Variants in OR51M1 observed in about 807,000 individuals in gnomAD.
OR51M1 encodes the protein olfactory receptor family 51 subfamily M member 1, also known as olfactory receptor 51M1.
For missense variants in OR51M1, 509 were observed against 404.4 expected (o/e 1.26, Z -2.22); for synonymous variants, 199 against 155.1 (o/e 1.28, Z -2.10).
chr11:5,387,504 C>T (rs1849715084), intron 2 of OR51M1, among the ~76,000 whole-genome samples: 1 of 152,172 alleles, frequency 6.6e-6, no homozygotes, highest in Non-Finnish European at 1.5e-5. Context: ...ATCCATGCAG[C>T]ACCTCTGCTC....
intron 2 of OR51M1, among the ~76,000 whole-genome samples, chr11:5,387,257 G>A (rs966331244): frequency 6.6e-5 from 10 of 152,062 alleles, no homozygotes; most frequent in Non-Finnish European, 1.0e-4. Context: ...AGGAAGGCAT[G>A]GCCAGAGCAC....
intron 2 of OR51M1, among the ~76,000 whole-genome samples, chr11:5,386,940 C>G (rs10742659): frequency 0.77 from 116,793 of 151,860 alleles, 45,416 homozygotes; most frequent in Middle Eastern, 0.83. Flanking sequence ...GGATGCTGGG[C>G]TCAATATTAG....
intron 1 of OR51M1, among the ~76,000 whole-genome samples, chr11:5,384,399 CTCTT>C (rs1426104350): frequency 1.2e-3 from 184 of 152,302 alleles, no homozygotes; most frequent in African/African-American, 4.2e-3. Context: ...CTCACAGAAT[CTCTT>C]CTGATATTCT....
rs1849818220 is a variant in OR51M1, at chr11:5,392,923, A to G, written c.*2544A>G. On this transcript the variant is annotated 3_prime_UTR_variant, in exon 3 of 3. Transcript: ENST00000642046. ...CAAGACTCCTTCTCAAAAACAAAAA[A>G]AAAGAAAAATAAATAAATATCTGTG... is the stretch of plus-strand genomic sequence containing the variant. The G allele has an allele frequency of 1.8e-5, 1 of 55,464 alleles. No homozygotes were observed. The allele number at this position is 55,464 out of a possible 1,614,324, so 3.4% of individuals were successfully genotyped here. A position where few individuals can be genotyped will look rare whatever the true frequency, so the allele number is the denominator to read the frequency against.
At chr11:5,387,329 G>A (rs1383050431) in intron 2 of OR51M1, among the ~76,000 whole-genome samples, 18 of 152,004 alleles carry the variant, frequency 1.2e-4, no homozygotes, top group Non-Finnish European at 1.5e-5. Context: ...ATTGCATTTG[G>A]CCCCTAGAAG....
In OR51M1 at chr11:5,389,818, C is replaced by G. The variant is rs375607959; in HGVS notation, c.420C>G (p.His140Gln). ...TTGACCGCCTTGTGGCCATCTGCCA[C>G]CCTCTGAGGTATTCGGTCATTATCA... ...MSFDRLVAIC[H>Q]PLRYSVIITG... The change falls in exon 3 of 3, where the codon CAC (histidine) becomes CAG (glutamine). Residue 140 changes from histidine to glutamine, a missense_variant. Physicochemically the swap from His to Gln is conservative, Grantham distance 24. Transcript: ENST00000642046. 5 of 1,613,966 alleles carry G rather than the reference C, an allele frequency of 3.1e-6. No homozygotes were observed. The highest frequency in any genetic ancestry group is 4.2e-6 in the Non-Finnish European group (5 of 1,179,886).
chr11:5,391,499 C>T lies in OR51M1; in HGVS notation c.*1120C>T, dbSNP rs2033737916. ...AAATGTATATAAATACAATGCCTAGCACATGCCATATACTCAATAAATATT... is the reference window on the plus strand; with the variant it reads ...AAATGTATATAAATACAATGCCTAGTACATGCCATATACTCAATAAATATT... On this transcript the variant is annotated 3_prime_UTR_variant, in exon 3 of 3. Coordinates refer to ENST00000642046, the MANE Select transcript of OR51M1 (RefSeq NM_001004756.3). 6.6e-6 allele frequency: 1 copy of T among 152,192 alleles called. No homozygotes were observed. Among genetic ancestry groups the T allele is most frequent in the African/African-American group, 2.4e-5 (1 of 41,440 alleles). The allele number at this position is 152,192 out of a possible 1,614,324, so 9.4% of individuals were successfully genotyped here.
At chr11:5,385,067 G>A (rs749541828) in intron 1 of OR51M1, among the ~76,000 whole-genome samples, 1 of 152,188 alleles carries the variant, frequency 6.6e-6, no homozygotes, top group African/African-American at 2.4e-5. Context: ...GTGAGGTAGA[G>A]AGCCAATTAC....
chr11:5,384,284 A>T (rs1262921725), intron 1 of OR51M1, among the ~76,000 whole-genome samples: 1 of 152,100 alleles, frequency 6.6e-6, no homozygotes, highest in Non-Finnish European at 1.5e-5. Context: ...CAATCCTCCC[A>T]CCTTATTCTT....
At position 5,390,080 on chromosome 11, in the gene OR51M1, C is replaced by G. The variant is rs770150019; in HGVS notation, c.682C>G (p.Leu228Val). 1.9e-6 allele frequency: 3 copies of G among 1,613,660 alleles called. No homozygotes were observed. The highest frequency in any genetic ancestry group is 2.7e-5 in the African/African-American group (2 of 74,936). ...TVMLDLVLIA[L>V]SYGLILHTVA... The stretch of plus-strand genomic sequence containing the variant: ...GATGCTGGACCTGGTGCTCATCGCA[C>G]TGTCCTATGGACTCATCCTGCACAC... The change falls in exon 3 of 3, where the codon CTG becomes GTG. Residue 228 changes from leucine to valine, a missense_variant. Transcript: ENST00000642046.
chr11:5,384,398 T>G lies in OR51M1; in HGVS notation c.-122+481T>G, dbSNP rs556655690. Among the ~76,000 whole-genome samples, 3 of 152,302 alleles carry G rather than the reference T, an allele frequency of 2.0e-5. No individual in the cohort carries two copies. The South Asian group carries it at 6.2e-4, about 32-fold the overall frequency. On this transcript the variant is annotated intron_variant, in intron 1 of 2. Transcript: ENST00000642046. ...CTTAGAAACCAGGGTTCTCACAGAA[T>G]CTCTTCTGATATTCTCAGAGTCTAT...
chr11:5,388,160 T>G (rs1849730782), intron 2 of OR51M1, among the ~76,000 whole-genome samples: 1 of 152,108 alleles, frequency 6.6e-6, no homozygotes, highest in Non-Finnish European at 1.5e-5. Flanking sequence ...TGATACATAT[T>G]TAATAATTTA....
intron 2 of OR51M1, among the ~76,000 whole-genome samples, chr11:5,387,483 G>T (rs1258746110): frequency 1.3e-5 from 2 of 151,866 alleles, no homozygotes; most frequent in Non-Finnish European, 2.9e-5. Context: ...CCAAAGTGAT[G>T]TAAGCCTTAT....
chr11:5,388,600 T>C (rs924836987), intron 2 of OR51M1, among the ~76,000 whole-genome samples: 1 of 149,032 alleles, frequency 6.7e-6, no homozygotes, highest in African/African-American at 2.5e-5. Context: ...ACCGTGAATA[T>C]ACAGAGGAAA....
In OR51M1 at chr11:5,390,165, C is replaced by T. The variant is rs9783355; in HGVS notation, c.767C>T (p.Pro256Leu). ...CGTGCCTTTCAGACATGCACCGCTC[C>T]TCTCTGTGCTGTGCTAGTATTCTTT... ...QRRAFQTCTAPLCAVLVFFVP... is the reference protein window; with the variant it reads ...QRRAFQTCTALLCAVLVFFVP... Residue 256 changes from proline (P) to leucine (L), a missense_variant, in exon 3 of 3, where the codon CCT becomes CTT. Physicochemically the swap from Pro to Leu is moderately conservative, Grantham distance 98 (BLOSUM62 -3). Coordinates refer to ENST00000642046, the MANE Select transcript of OR51M1 (RefSeq NM_001004756.3). 5 of 1,613,590 alleles carry T rather than the reference C, an allele frequency of 3.1e-6. No homozygotes were observed. Among genetic ancestry groups the T allele is most frequent in the East Asian group, 2.2e-5 (1 of 44,860 alleles).
In OR51M1 at chr11:5,389,416, G is replaced by C. The variant is rs116535306; in HGVS notation, c.18G>C (p.Ser6=). The C allele has an allele frequency of 2.0e-5, 32 of 1,612,954 alleles. No homozygotes were observed. In the South Asian group the frequency reaches 3.2e-4, roughly 16 times the overall value. The change falls in exon 3 of 3, where the codon TCG becomes TCC. Residue 6 remains serine, a synonymous_variant. Coordinates refer to ENST00000642046, the MANE Select transcript of OR51M1 (RefSeq NM_001004756.3). MSVQY[S]LSPQFMLLSN... ...CCCGAGGAATGTCAGTCCAATATTCGCTCAGTCCTCAATTCATGCTGCTAT... is the reference window on the plus strand; with the variant it reads ...CCCGAGGAATGTCAGTCCAATATTCCCTCAGTCCTCAATTCATGCTGCTAT...
rs779324183 is a variant in OR51M1 at position 5,389,833 on chromosome 11, G to A, written c.435G>A (p.Ser145=). 1.6e-5 allele frequency: 26 copies of A among 1,613,708 alleles called. No homozygotes were observed. The highest frequency in any genetic ancestry group is 2.2e-5 in the East Asian group (1 of 44,886). Residue 145 remains serine, a synonymous_variant, in exon 3 of 3, where the codon TCG becomes TCA. Coordinates refer to ENST00000642046, the MANE Select transcript of OR51M1 (RefSeq NM_001004756.3). ...CCATCTGCCACCCTCTGAGGTATTC[G>A]GTCATTATCACTGGCCAGCAAGTGG... ...LVAICHPLRY[S]VIITGQQVVR...
intron 2 of OR51M1, among the ~76,000 whole-genome samples, chr11:5,385,693 T>TAA (rs1849678688): frequency 6.6e-6 from 1 of 150,910 alleles, no homozygotes; most frequent in African/African-American, 2.4e-5. Context: ...ACCTATAATA[T>TAA]ATATGTTGTA....
In OR51M1 at chr11:5,390,160, C is replaced by T. The variant is rs560222497; in HGVS notation, c.762C>T (p.Thr254=). ...AGCGCCGTGCCTTTCAGACATGCAC[C>T]GCTCCTCTCTGTGCTGTGCTAGTAT... The part of the protein sequence containing the change: ...EEQRRAFQTC[T]APLCAVLVFF... The change falls in exon 3 of 3, where the codon ACC becomes ACT. Residue 254 remains threonine, a synonymous_variant. Coordinates refer to ENST00000642046, the MANE Select transcript of OR51M1 (RefSeq NM_001004756.3). The T allele has an allele frequency of 4.8e-5, 77 of 1,613,698 alleles. No individual in the cohort carries two copies. The East Asian group carries it at 1.1e-3, about 23-fold the overall frequency.
Sources: gnomAD v4.1 joint callset for allele counts (sites outside exome capture counted in the v4.1 genomes callset) on GRCh38, gnomAD v4.1.1 for gene constraint, MANE v1.5 for transcripts, NCBI Gene and HGNC (gene_info 2026-07-23, HGNC 2026-07-21) for gene names.